Variants in PHRF1 observed in about 807,000 individuals in gnomAD.
PHRF1 encodes PHD and ring finger domains 1.
PHRF1 carries 53 observed loss-of-function variants against 128.9 expected under a neutral mutation model. That is an observed-to-expected ratio of 0.41 (90% CI 0.33 to 0.52). The LOEUF (loss-of-function observed/expected upper bound fraction) is 0.52, where lower values mean the gene tolerates loss of function less well. Among genes scored for constraint, PHRF1 ranks in the 20% least tolerant of loss-of-function variants. The probability of loss-of-function intolerance (pLI) is 0.21; values close to 1 mark genes in which losing one functional copy is unlikely to be tolerated. For synonymous variants in PHRF1, 1,178 were observed against 980.6 expected, an observed-to-expected ratio of 1.20 and a Z score of -3.76; for missense variants, 2,503 against 2,284.5, an observed-to-expected ratio of 1.10 and a Z score of -1.95.
chr11:587,592 G>T, intron 4 of PHRF1, 128 bp downstream of exon 4: 1 of 941,208 alleles, frequency 1.1e-6, no homozygotes, highest in East Asian at 2.5e-5. Context: ...TGGGGCCACA[G>T]GATTGAGTCT....
chr11:605,807 C>G (rs1231491372), intron 12 of PHRF1, 83 bp downstream of exon 12: 2 of 1,484,848 alleles, frequency 1.3e-6, no homozygotes, highest in African/African-American at 2.8e-5. Context: ...CCGTGATAGC[C>G]TGGCTCTCTG....
At chr11:611,105 T>C (rs1289733894) in intron 17 of PHRF1, 23 bp downstream of exon 17, 1 of 1,611,620 alleles carries the variant, frequency 6.2e-7, no homozygotes, top group African/African-American at 1.3e-5. Flanking sequence ...CGAGCCTGTG[T>C]GTGGGGCTCG....
rs780219820 is a variant in PHRF1 at position 592,606 on chromosome 11, C to G, written c.552C>G (p.Thr184=). 23 of 1,613,936 alleles carry G rather than the reference C, an allele frequency of 1.4e-5. No individual in the cohort carries two copies. The East Asian group carries it at 5.1e-4, about 36-fold the overall frequency. The change falls in exon 6 of 18, where the codon ACC becomes ACG. Residue 184 remains threonine, a synonymous_variant. Coordinates refer to ENST00000264555, the MANE Select transcript of PHRF1 (RefSeq NM_001286581.2). ...TKASEEEEDP[T]FCEVCGRSDR... ...CGAGCGAGGAGGAGGAGGACCCGAC[C>G]TTCTGTGAGGTGTGCGGCAGGAGCG... is the stretch of plus-strand genomic sequence containing the variant.
chr11:595,265 G>A, intron 6 of PHRF1, among the ~76,000 whole-genome samples: 1 of 152,224 alleles, frequency 6.6e-6, no homozygotes. Context: ...GGAGGTTGCA[G>A]TGAGCCGAGA....
chr11:577,010 C>T (rs1337320312), intron 1 of PHRF1, among the ~76,000 whole-genome samples: 3 of 152,160 alleles, frequency 2.0e-5, no homozygotes, highest in East Asian at 1.9e-4. Flanking sequence ...ACGCCCATGC[C>T]CCCTGCGAGT....
At chr11:609,825 G>A (rs1368433145) in intron 14 of PHRF1, 105 bp downstream of exon 14, 9 of 776,530 alleles carry the variant, frequency 1.2e-5, no homozygotes, top group Middle Eastern at 3.9e-4. Context: ...GGCCTCCACC[G>A]AGGACAGAGC....
rs867968185 is a variant in PHRF1, at chr11:581,617, T to C, written c.94+11T>C. 5 of 1,606,600 alleles carry C rather than the reference T, an allele frequency of 3.1e-6. No individual in the cohort carries two copies. The Middle Eastern group carries it at 8.3e-4, about 266-fold the overall frequency. On this transcript the variant is annotated intron_variant, in intron 2 of 17. Coordinates refer to ENST00000264555, the MANE Select transcript of PHRF1 (RefSeq NM_001286581.2). Reference sequence around the variant, plus strand: ...CGGCAGGTGACTTTGGTGAGCTGCCTAGCGCCGGGTAGGGGCGTCCCCAGG... The same window carrying C: ...CGGCAGGTGACTTTGGTGAGCTGCCCAGCGCCGGGTAGGGGCGTCCCCAGG...
rs1299278740 is a variant in PHRF1, at chr11:607,312, G to C, written c.1856G>C (p.Gly619Ala). The part of the protein sequence containing the change: ...GAVQARNLSN[G>A]SVPGFRQSHS... ...GTTCAGGCTCGGAACTTGTCAAATG[G>C]GAGTGTGCCTGGCTTCAGACAGAGC... The change falls in exon 14 of 18, where the codon GGG becomes GCG. Residue 619 changes from glycine (G) to alanine (A), a missense_variant. Gly to Ala is a moderately conservative substitution (Grantham distance 60, BLOSUM62 0). Transcript: ENST00000264555. 1 of 1,612,694 alleles carries C rather than the reference G, an allele frequency of 6.2e-7. No individual in the cohort carries two copies. Among genetic ancestry groups the C allele is most frequent in the East Asian group, 2.2e-5 (1 of 44,876 alleles).
rs376277082 is a variant in PHRF1, at chr11:579,199, G to A, written c.-21-2293G>A. ...CATCATCAAATGAGGATTTGCACTC[G>A]GGACAGTTGGACCCTGGGACTCCCC... On this transcript the variant is annotated intron_variant, in intron 1 of 17. Coordinates refer to ENST00000264555, the MANE Select transcript of PHRF1 (RefSeq NM_001286581.2). Among the ~76,000 whole-genome samples the A allele has an allele frequency of 2.6e-5, 4 of 152,124 alleles. No individual in the cohort carries two copies. The East Asian group carries it at 5.8e-4, about 22-fold the overall frequency.
At position 607,448 on chromosome 11, in the gene PHRF1, G is replaced by A. The variant is rs1290780267; in HGVS notation, c.1992G>A (p.Gly664=). The part of the protein sequence containing the change: ...SKPPCRSVVP[G]PPLKPAPRRT... ...CCCCATGTCGCAGTGTGGTGCCGGG[G>A]CCTCCCCTGAAGCCAGCGCCCAGAA... Residue 664 remains glycine (G), a synonymous_variant, in exon 14 of 18, where the codon GGG becomes GGA. Transcript: ENST00000264555. 1.2e-6 allele frequency: 2 copies of A among 1,612,846 alleles called. No individual in the cohort carries two copies. The highest frequency in any genetic ancestry group is 1.7e-6 in the Non-Finnish European group (2 of 1,179,884).
chr11:592,114 A>C (rs1284681972), intron 5 of PHRF1, among the ~76,000 whole-genome samples: 1 of 151,338 alleles, frequency 6.6e-6, no homozygotes, highest in Non-Finnish European at 1.5e-5. Context: ...ACGGGGTTTC[A>C]CTGTGTTAGC....
At chr11:596,857 C>A in intron 6 of PHRF1, 66 bp from the exon 7 acceptor site, 1 of 1,435,174 alleles carries the variant, frequency 7.0e-7, no homozygotes, top group Non-Finnish European at 9.8e-7. Context: ...GTGGTCCCCT[C>A]ACTTGAGGAG....
At chr11:578,924 A>G (rs1488034264) in intron 1 of PHRF1, among the ~76,000 whole-genome samples, 1 of 151,852 alleles carries the variant, frequency 6.6e-6, no homozygotes, top group East Asian at 1.9e-4. Flanking sequence ...ATCTCAGCTC[A>G]CTGCAACCTC....
At chr11:586,387 G>A (rs1854562313) in intron 3 of PHRF1, among the ~76,000 whole-genome samples, 1 of 152,250 alleles carries the variant, frequency 6.6e-6, no homozygotes. Flanking sequence ...CTTTAACAGT[G>A]TAAATATTTC....
In PHRF1 at chr11:607,893, C is replaced by T. The variant is rs1361983128; in HGVS notation, c.2437C>T (p.Pro813Ser). 6.2e-7 allele frequency: 1 copy of T among 1,612,562 alleles called. No individual in the cohort carries two copies. Among genetic ancestry groups the T allele is most frequent in the East Asian group, 2.2e-5 (1 of 44,888 alleles). The change falls in exon 14 of 18, where the codon CCC becomes TCC. Residue 813 changes from proline (P) to serine (S), a missense_variant. Pro to Ser is a moderately conservative substitution (Grantham distance 74). Transcript: ENST00000264555. ...CGATAAGGAGCAGAGGAAGGAGAAC[C>T]CCTCACCCCTCTTCTCCATCAAGAA... is the stretch of plus-strand genomic sequence containing the variant. Reference protein sequence around the residue: ...VDDKEQRKENPSPLFSIKKTK... With the variant: ...VDDKEQRKENSSPLFSIKKTK...
Position 597,546 on chromosome 11 carries a change from G to C in PHRF1, c.870G>C (p.Arg290=). The change falls in exon 8 of 18, where the codon CGG becomes CGC. Residue 290 remains arginine, a synonymous_variant. Coordinates refer to ENST00000264555, the MANE Select transcript of PHRF1 (RefSeq NM_001286581.2). The surrounding 1 kb of genome is among the most constrained non-coding windows in gnomAD (Gnocchi z 6.5). ...ERVRATVNRN[R]ISTARRVQHT... ...TGAGAGCAACCGTGAACCGGAACCG[G>C]ATCTCCACGGCCAGGAGGGTCCAGG... 6.2e-7 allele frequency: 1 copy of C among 1,611,870 alleles called. No homozygotes were observed.
Position 607,103 on chromosome 11 carries a change from C to T in PHRF1, c.1647C>T (p.Ser549=), listed in dbSNP as rs1442110774. The T allele has an allele frequency of 1.9e-6, 3 of 1,605,336 alleles. No homozygotes were observed. The highest frequency in any genetic ancestry group is 1.3e-5 in the African/African-American group (1 of 74,452). The change falls in exon 14 of 18, where the codon TCC becomes TCT. Residue 549 remains serine (S), a synonymous_variant. Coordinates refer to ENST00000264555, the MANE Select transcript of PHRF1 (RefSeq NM_001286581.2). Reference sequence around the variant, plus strand: ...TTCAGCGAAACTCAGGCAGTCTGTCCAGAGGGGAAGAAGGATTCAAGGGCT... The same window carrying T: ...TTCAGCGAAACTCAGGCAGTCTGTCTAGAGGGGAAGAAGGATTCAAGGGCT... ...VSFQRNSGSL[S]RGEEGFKGCL... is the part of the protein sequence containing the mutation.
intron 2 of PHRF1, 75 bp from the exon 3 acceptor site, chr11:581,887 C>T (rs941280218): frequency 1.3e-6 from 2 of 1,482,566 alleles, no homozygotes; most frequent in East Asian, 2.5e-5. Flanking sequence ...GCCTCTATGC[C>T]TGTGCAAAGC....
Position 610,485 on chromosome 11 carries a change from G to T in PHRF1, c.4417-16G>T. On this transcript the variant is annotated splice_polypyrimidine_tract_variant and intron_variant, in intron 15 of 17. Transcript: ENST00000264555. The stretch of plus-strand genomic sequence containing the variant: ...TAGCTGTAGGGCCCAGTGCTCAGCA[G>T]GGGTGTCCCTCCCAGGTTTACAGCC... The T allele has an allele frequency of 6.3e-7, 1 of 1,599,126 alleles. No homozygotes were observed.
Sources: allele counts gnomAD v4.1 joint callset (sites outside exome capture counted in the v4.1 genomes callset), GRCh38; gene constraint gnomAD v4.1.1; non-coding constraint Gnocchi (gnomAD v3.1); transcripts MANE v1.5; gene names NCBI Gene and HGNC (gene_info 2026-07-23, HGNC 2026-07-21).